The following ENTREP2 variants were observed in gnomAD, a reference collection of about 807,000 sequenced individuals.
ENTREP2 encodes endosomal transmembrane epsin interactor 2, also known as protein ENTREP2.
chr15:29,433,866 A>G, the ENTREP2 span, among the ~76,000 whole-genome samples: 1 of 151,866 alleles, frequency 6.6e-6, no homozygotes, highest in Non-Finnish European at 1.5e-5. Context: ...TCATCCTCTC[A>G]TAAAGAACCA....
chr15:29,269,910 G>A, the ENTREP2 span: 74 of 513,948 alleles, frequency 1.4e-4, no homozygotes, highest in Non-Finnish European at 2.1e-4. Flanking sequence ...AAGGAACAGC[G>A]TTTTCCGTGC....
At chr15:29,464,788 C>T in the ENTREP2 span, among the ~76,000 whole-genome samples, 1 of 152,148 alleles carries the variant, frequency 6.6e-6, no homozygotes, top group Non-Finnish European at 1.5e-5. Context: ...GCAGTTGGTC[C>T]AGCCACAGAG....
chr15:29,269,488 G>C, the ENTREP2 span: 8 of 1,609,328 alleles, frequency 5.0e-6, no homozygotes, highest in Non-Finnish European at 6.8e-6. Flanking sequence ...GGCGGGGGCG[G>C]CCTGGGCCCG....
chr15:29,279,777 A>C, the ENTREP2 span, among the ~76,000 whole-genome samples: 24 of 152,300 alleles, frequency 1.6e-4, no homozygotes, highest in Admixed American at 1.5e-3. Flanking sequence ...TAATATGGAC[A>C]AGTGAATTTA....
At chr15:29,647,004 C>A in the ENTREP2 span, among the ~76,000 whole-genome samples, 1 of 152,206 alleles carries the variant, frequency 6.6e-6, no homozygotes, top group East Asian at 1.9e-4. Flanking sequence ...TGGTTTCATG[C>A]CTCTCCACCC....
At chr15:29,336,600 C>T in the ENTREP2 span, among the ~76,000 whole-genome samples, 108 of 151,662 alleles carry the variant, frequency 7.1e-4, no homozygotes, top group African/African-American at 2.4e-3. Flanking sequence ...TGTGAGCCAC[C>T]GCGCCCAGCC....
chr15:29,543,403 C>T, the ENTREP2 span, among the ~76,000 whole-genome samples: 1 of 152,150 alleles, frequency 6.6e-6, no homozygotes. Context: ...CCAAAGATAC[C>T]TAGCAGAGAA....
the ENTREP2 span, among the ~76,000 whole-genome samples, chr15:29,224,559 T>A: frequency 4.6e-5 from 7 of 152,286 alleles, no homozygotes; most frequent in Admixed American, 4.6e-4. Flanking sequence ...ATCCCTGAGC[T>A]AGACACAAAA....
the ENTREP2 span, among the ~76,000 whole-genome samples, chr15:29,478,019 AT>A: frequency 0.012 from 639 of 54,300 alleles, 6 homozygotes; most frequent in Admixed American, 0.033. Flanking sequence ...ATATATATAT[AT>A]TTTTTTTTTT....
the ENTREP2 span, among the ~76,000 whole-genome samples, chr15:29,187,038 T>C: frequency 2.0e-3 from 307 of 152,260 alleles, no homozygotes; most frequent in African/African-American, 6.9e-3. Flanking sequence ...ATTTTTTTCA[T>C]ATATTCCCAC....
the ENTREP2 span, chr15:29,121,985 G>GCCC: frequency 6.6e-6 from 1 of 152,354 alleles, no homozygotes; most frequent in Non-Finnish European, 1.5e-5. Context: ...AGCAGCGTGA[G>GCCC]CCCCCTGCCC....
chr15:29,437,982 G>C, the ENTREP2 span, among the ~76,000 whole-genome samples: 322 of 152,288 alleles, frequency 2.1e-3, 2 homozygotes, highest in African/African-American at 7.6e-3. Context: ...AATTTTAAAA[G>C]CCAATGTATC....
At chr15:29,410,356 A>G in the ENTREP2 span, among the ~76,000 whole-genome samples, 1 of 152,126 alleles carries the variant, frequency 6.6e-6, no homozygotes, top group Non-Finnish European at 1.5e-5. Context: ...GCAGAGAACT[A>G]ATTGGCTCCT....
At chr15:29,630,086 G>A in the ENTREP2 span, among the ~76,000 whole-genome samples, 943 of 152,138 alleles carry the variant, frequency 6.2e-3, 20 homozygotes, top group East Asian at 0.048. Context: ...ACCGCACTCC[G>A]GCCCGGGTGA....
the ENTREP2 span, among the ~76,000 whole-genome samples, chr15:29,657,801 C>T: frequency 6.6e-6 from 1 of 152,062 alleles, no homozygotes; most frequent in Non-Finnish European, 1.5e-5. Context: ...ACTGGCCTCA[C>T]CTCTCAATTA....
chr15:29,489,842 T>C, the ENTREP2 span, among the ~76,000 whole-genome samples: 1 of 152,214 alleles, frequency 6.6e-6, no homozygotes, highest in Non-Finnish European at 1.5e-5. Context: ...GGCGCAGTTC[T>C]TCCAACTAGG....
the ENTREP2 span, among the ~76,000 whole-genome samples, chr15:29,642,430 T>TTA: frequency 6.7e-6 from 1 of 149,516 alleles, no homozygotes; most frequent in Non-Finnish European, 1.5e-5. Context: ...GGAATAACAA[T>TTA]TATATATATA....
the ENTREP2 span, among the ~76,000 whole-genome samples, chr15:29,226,998 C>T: frequency 4.6e-5 from 7 of 152,212 alleles, no homozygotes; most frequent in African/African-American, 1.7e-4. Flanking sequence ...ACAGAGAGAG[C>T]AGCGTCTGCT....
chr15:29,624,995 A>G, the ENTREP2 span, among the ~76,000 whole-genome samples: 1 of 151,532 alleles, frequency 6.6e-6, no homozygotes, highest in African/African-American at 2.4e-5. Context: ...CTGGGGAACT[A>G]TCTCATACCC....
Sources: allele counts gnomAD v4.1 joint callset (sites outside exome capture counted in the v4.1 genomes callset), GRCh38; gene constraint gnomAD v4.1.1; transcripts MANE v1.5; gene names NCBI Gene and HGNC (gene_info 2026-07-23, HGNC 2026-07-21).